CSMD1: variants seen among roughly 807,000 people sequenced by gnomAD.
CSMD1 encodes CUB and sushi domain-containing protein 1.
A neutral mutation model predicts 417.5 loss-of-function variants in CSMD1; 213 were observed. The ratio of observed to expected loss-of-function variants is 0.51; its 90% CI spans 0.46 to 0.57. The LOEUF (loss-of-function observed/expected upper bound fraction) is 0.57, where lower values mean the gene tolerates loss of function less well. Among genes scored for constraint, CSMD1 ranks in the 20% least tolerant of loss-of-function variants. The pLI, the probability that CSMD1 is intolerant of heterozygous loss-of-function variation, is 0.00. For missense variants in CSMD1, 6,923 were observed against 4,529.7 expected (o/e 1.53, Z -15.17); for synonymous variants, 2,862 against 1,736.8 (o/e 1.65, Z -16.11).
At chr8:3,256,994 C>A (rs374926671) in intron 26 of CSMD1, among the ~76,000 whole-genome samples, 2 of 152,150 alleles carry the variant, frequency 1.3e-5, no homozygotes, top group African/African-American at 2.4e-5. Context: ...AGAGAATTTT[C>A]ATTACTATTC....
rs761155473 is a variant in CSMD1 at position 3,029,410 on chromosome 8, G to A, written c.7764C>T (p.Cys2588=). The change falls in exon 51 of 70, where the codon TGC becomes TGT. Residue 2588 remains cysteine (C), a synonymous_variant. Coordinates refer to ENST00000635120, the MANE Select transcript of CSMD1 (RefSeq NM_033225.6). ...AGCCTTCTAAGTAGTAACCAGGACT[G>A]CAGCTCAGCAATACTTGAGCACCGT... The part of the protein sequence containing the change: ...NEYGAQVLLS[C]SPGYYLEGWR... The A allele has an allele frequency of 1.2e-6, 2 of 1,611,928 alleles. No individual in the cohort carries two copies. Among genetic ancestry groups the A allele is most frequent in the Admixed American group, 1.7e-5 (1 of 59,748 alleles).
chr8:3,447,160 T>A (rs981316134), intron 12 of CSMD1, among the ~76,000 whole-genome samples: 1 of 152,148 alleles, frequency 6.6e-6, no homozygotes, highest in South Asian at 2.1e-4. Flanking sequence ...CCACGGGCAC[T>A]GATGAAAAGA....
At chr8:3,527,752 C>A (rs1212890748) in intron 10 of CSMD1, among the ~76,000 whole-genome samples, 1 of 152,148 alleles carries the variant, frequency 6.6e-6, no homozygotes, top group Non-Finnish European at 1.5e-5. Flanking sequence ...CAGGACTTCT[C>A]TGTACTGTTT....
chr8:4,278,284 T>C lies in CSMD1; in HGVS notation c.415+141669A>G, dbSNP rs201911411. Reference sequence around the variant, plus strand: ...AATTTTCAATGGATGGAGTGTAAAGTTCAAGGAGGTTAAAAACACAGCGGT... The same window carrying C: ...AATTTTCAATGGATGGAGTGTAAAGCTCAAGGAGGTTAAAAACACAGCGGT... On this transcript the variant is annotated intron_variant, in intron 3 of 69. Coordinates refer to ENST00000635120, the MANE Select transcript of CSMD1 (RefSeq NM_033225.6). Among the ~76,000 whole-genome samples, 4 of 152,082 alleles carry C rather than the reference T, an allele frequency of 2.6e-5. No homozygotes were observed. The East Asian group carries it at 7.7e-4, about 29-fold the overall frequency.
chr8:2,962,720 G>C, intron 60 of CSMD1, 81 bp from the exon 61 acceptor site: 1 of 1,411,090 alleles, frequency 7.1e-7, no homozygotes. Context: ...ACTAGTTTCT[G>C]TTAAATCTTT....
chr8:4,108,595 G>A (rs1035820945), intron 3 of CSMD1, among the ~76,000 whole-genome samples: 1 of 152,108 alleles, frequency 6.6e-6, no homozygotes, highest in Admixed American at 6.6e-5. Flanking sequence ...TTTCCACACG[G>A]CAACAGCACA....
At chr8:4,218,143 C>G (rs1800796310) in intron 3 of CSMD1, among the ~76,000 whole-genome samples, 1 of 152,162 alleles carries the variant, frequency 6.6e-6, no homozygotes, top group South Asian at 2.1e-4. Context: ...TAAGTAACTC[C>G]TACATGCTGA....
intron 3 of CSMD1, among the ~76,000 whole-genome samples, chr8:4,220,470 A>T (rs540414740): frequency 1.3e-5 from 2 of 152,228 alleles, no homozygotes; most frequent in Non-Finnish European, 1.5e-5. Flanking sequence ...GACCTCATGC[A>T]TTAATTTTAA....
chr8:4,138,877 G>T (rs75290770), intron 3 of CSMD1, among the ~76,000 whole-genome samples: 2 of 151,914 alleles, frequency 1.3e-5, no homozygotes, highest in African/African-American at 2.4e-5. Context: ...TAATAGGAAG[G>T]TTAATTTATA....
At position 4,903,991 on chromosome 8, in the gene CSMD1, G is replaced by T. The variant is rs1191776013; in HGVS notation, c.85+90341C>A. 2.6e-5 allele frequency among the ~76,000 whole-genome samples: 4 copies of T among 152,148 alleles called. No individual in the cohort carries two copies. The East Asian group carries it at 7.8e-4, about 29-fold the overall frequency. ...CTTCTCATAAAGTGTAAAATCATAT[G>T]GCTTCATTTTGTATTTATTTCTTTT... is the stretch of plus-strand genomic sequence containing the variant. On this transcript the variant is annotated intron_variant, in intron 1 of 69. Coordinates refer to ENST00000635120, the MANE Select transcript of CSMD1 (RefSeq NM_033225.6).
chr8:4,793,662 C>T (rs976951338), intron 1 of CSMD1, among the ~76,000 whole-genome samples: 19 of 151,930 alleles, frequency 1.3e-4, no homozygotes, highest in South Asian at 1.2e-3. Context: ...GCAATGTTGA[C>T]GCCTCTGCTC....
intron 1 of CSMD1, among the ~76,000 whole-genome samples, chr8:4,780,427 G>T (rs917983456): frequency 5.3e-5 from 8 of 152,124 alleles, no homozygotes; most frequent in Admixed American, 1.3e-4. Context: ...CTGTCTGTCT[G>T]TCTGTCTGTC....
At chr8:4,353,962 G>A (rs1355554166) in intron 3 of CSMD1, among the ~76,000 whole-genome samples, 1 of 152,098 alleles carries the variant, frequency 6.6e-6, no homozygotes, top group Non-Finnish European at 1.5e-5. Context: ...AGCCCTCTAT[G>A]ATGATATATT....
At chr8:4,108,538 A>G (rs7004070) in intron 3 of CSMD1, among the ~76,000 whole-genome samples, 32,712 of 152,096 alleles carry the variant, frequency 0.22, 3,934 homozygotes, top group African/African-American at 0.31. Flanking sequence ...TGTAACCCCA[A>G]CTGTTTTCCC....
intron 1 of CSMD1, among the ~76,000 whole-genome samples, chr8:4,895,680 T>G (rs2117020139): frequency 6.6e-6 from 1 of 152,104 alleles, no homozygotes; most frequent in East Asian, 1.9e-4. Flanking sequence ...GCTATCCACC[T>G]TCACCTTCCC....
intron 37 of CSMD1, among the ~76,000 whole-genome samples, chr8:3,174,217 G>T (rs1056325034): frequency 6.6e-6 from 1 of 152,218 alleles, no homozygotes; most frequent in Non-Finnish European, 1.5e-5. Context: ...ACAGAGTCCA[G>T]GCACAGTGGC....
At chr8:3,293,042 C>T (rs1053093529) in intron 25 of CSMD1, among the ~76,000 whole-genome samples, 27 of 152,108 alleles carry the variant, frequency 1.8e-4, no homozygotes, top group African/African-American at 6.5e-4. Context: ...AATCTCTCAG[C>T]ATTTGCTTGT....
chr8:3,390,466 T>C (rs1811285781), intron 17 of CSMD1, among the ~76,000 whole-genome samples: 1 of 151,924 alleles, frequency 6.6e-6, no homozygotes, highest in South Asian at 2.1e-4. Flanking sequence ...GTAGCCAATT[T>C]ACCTTGTGGG....
At chr8:4,192,215 G>C (rs769586658) in intron 3 of CSMD1, among the ~76,000 whole-genome samples, 6 of 152,124 alleles carry the variant, frequency 3.9e-5, no homozygotes, top group African/African-American at 1.2e-4. Context: ...AAACAGCAAA[G>C]ATGATTGAAT....
Sources: gnomAD v4.1 joint callset for allele counts (sites outside exome capture counted in the v4.1 genomes callset) on GRCh38, gnomAD v4.1.1 for gene constraint, MANE v1.5 for transcripts, NCBI Gene and HGNC (gene_info 2026-07-23, HGNC 2026-07-21) for gene names.